UNC45A: variants seen among roughly 807,000 people sequenced by gnomAD.
UNC45A encodes unc-45 myosin chaperone A.
Under a neutral mutation model 103.2 loss-of-function variants are expected in UNC45A, and 78 were observed. The observed-to-expected ratio is 0.76, with a 90% CI of 0.63 to 0.91. The LOEUF is 0.91. Ranked by LOEUF, UNC45A falls within the 40% of genes least tolerant of loss-of-function variation. The pLI is 0.00. For synonymous variants in UNC45A, 495 were observed against 504.6 expected, an observed-to-expected ratio of 0.98 and a Z score of 0.25; for missense variants, 1,193 against 1,224.8, an observed-to-expected ratio of 0.97 and a Z score of 0.39.
intron 4 of UNC45A, among the ~76,000 whole-genome samples, chr15:90,937,941 A>T (rs554738329): frequency 1.3e-4 from 20 of 152,060 alleles, no homozygotes; most frequent in African/African-American, 4.8e-4. Flanking sequence ...GGACAAATGC[A>T]TGTCACCACG....
intron 4 of UNC45A, among the ~76,000 whole-genome samples, chr15:90,939,159 T>C (rs1238826054): frequency 2.6e-5 from 4 of 151,870 alleles, no homozygotes; most frequent in African/African-American, 9.7e-5. Context: ...TTTTGTATTT[T>C]TAGTAGAGAT....
chr15:90,939,907 C>A, intron 5 of UNC45A, 84 bp downstream of exon 5: 1 of 1,255,386 alleles, frequency 8.0e-7, no homozygotes, highest in South Asian at 1.4e-5. Flanking sequence ...CTGCCTTGCT[C>A]TGCCGCTCCT....
At chr15:90,936,115 T>C (rs945741117) in intron 3 of UNC45A, 133 bp downstream of exon 3, 1 of 1,519,296 alleles carries the variant, frequency 6.6e-7, no homozygotes, top group African/African-American at 1.4e-5. Context: ...TCCCACTGCC[T>C]CGGGCCTTTC....
At chr15:90,950,764 A>G (rs900888553) in intron 17 of UNC45A, 149 bp downstream of exon 17, 7 of 791,046 alleles carry the variant, frequency 8.8e-6, no homozygotes, top group Non-Finnish European at 1.2e-5. Context: ...AGGAGGCGAC[A>G]GGCCAAGAGG....
At chr15:90,939,866 G>T in intron 5 of UNC45A, 43 bp downstream of exon 5, 1 of 1,519,480 alleles carries the variant, frequency 6.6e-7, no homozygotes, top group Non-Finnish European at 8.7e-7. Flanking sequence ...TCCCACTAGA[G>T]CCACCCATCC....
At chr15:90,944,014 TTGAG>T (rs1245000008) in intron 8 of UNC45A, among the ~76,000 whole-genome samples, 1 of 145,212 alleles carries the variant, frequency 6.9e-6, no homozygotes, top group African/African-American at 2.6e-5. Context: ...TTTTTTTTGT[TTGAG>T]TGAGCATGTA....
intron 10 of UNC45A, chr15:90,947,298 C>T (rs74942399): frequency 0.031 from 8,076 of 263,410 alleles, 633 homozygotes; most frequent in African/African-American, 0.16. Context: ...ATGCAGTGTT[C>T]CTGGGAGCTG....
In UNC45A at chr15:90,946,696, G is replaced by A. The variant is rs144101058; in HGVS notation, c.1282G>A (p.Ala428Thr). The change falls in exon 10 of 20, where the codon GCT becomes ACT. Residue 428 changes from alanine (A) to threonine (T), a missense_variant. Ala to Thr is a moderately conservative substitution (Grantham distance 58). Transcript: ENST00000418476. ...VSCLLQGPCD[A>T]GNRALELSGV... ...CTGCCTCCTGCAGGGCCCATGTGAC[G>A]CTGGCAACCGGGCCTTGGAGCTGAG... The A allele has an allele frequency of 1.7e-5, 28 of 1,612,686 alleles. No homozygotes were observed. The highest frequency in any genetic ancestry group is 2.0e-4 in the Middle Eastern group (1 of 4,982).
intron 14 of UNC45A, 86 bp from the exon 15 acceptor site, chr15:90,949,568 G>C: frequency 6.2e-7 from 1 of 1,601,454 alleles, no homozygotes; most frequent in Non-Finnish European, 8.5e-7. Context: ...TGCCTGCGTG[G>C]CTGCCGTCTT....
rs1039066228 is a variant in UNC45A at position 90,946,937 on chromosome 15, G to A, written c.1500+23G>A. 7 of 1,546,590 alleles carry A rather than the reference G, an allele frequency of 4.5e-6. No homozygotes were observed. In the African/African-American group the frequency reaches 6.8e-5, roughly 15 times the overall value. On this transcript the variant is annotated intron_variant, in intron 10 of 19. Transcript: ENST00000418476. ...GTGGTGAGACGGTGGGCCTGGGGTG[G>A]GTGGGCAGGCAGCCAGGCAGGGGTC...
In UNC45A at chr15:90,948,728, G is replaced by T. The variant is rs2036716176; in HGVS notation, c.1812G>T (p.Glu604Asp). ...VNCTNSYDYEEPDPKMVELAK... is the reference protein window; with the variant it reads ...VNCTNSYDYEDPDPKMVELAK... ...GCACCAACAGCTATGACTACGAGGA[G>T]CCCGACCCCAAGATGGTGGAGCTGG... Residue 604 changes from glutamate to aspartate, a missense_variant, in exon 13 of 20, where the codon GAG becomes GAT. Transcript: ENST00000418476. The T allele has an allele frequency of 6.2e-7, 1 of 1,613,896 alleles. No individual in the cohort carries two copies. Among genetic ancestry groups the T allele is most frequent in the African/African-American group, 1.3e-5 (1 of 74,918 alleles).
At chr15:90,949,021 TG>T (rs1284511005) in intron 13 of UNC45A, among the ~76,000 whole-genome samples, 70 of 151,798 alleles carry the variant, frequency 4.6e-4, no homozygotes, top group Non-Finnish European at 8.7e-4. Flanking sequence ...GGACTACAGG[TG>T]CCCGCCACCA....
chr15:90,950,250 A>G lies in UNC45A; in HGVS notation c.2170A>G (p.Thr724Ala). 1 of 1,551,586 alleles carries G rather than the reference A, an allele frequency of 6.4e-7. No individual in the cohort carries two copies. The highest frequency in any genetic ancestry group is 8.7e-7 in the Non-Finnish European group (1 of 1,146,974). Residue 724 changes from threonine (T) to alanine (A), a missense_variant, in exon 16 of 20, where the codon ACC becomes GCC. Physicochemically the swap from Thr to Ala is moderately conservative, Grantham distance 58 (BLOSUM62 0). Coordinates refer to ENST00000418476, the MANE Select transcript of UNC45A (RefSeq NM_018671.5). Reference protein sequence around the residue: ...KLTITSNPEMTFPGERIYEVV... With the variant: ...KLTITSNPEMAFPGERIYEVV... ...CACCATCACCTCCAACCCGGAGATG[A>G]CCTTCCCTGGCGAGCGGGTACGTGT...
intron 3 of UNC45A, 21 bp from the exon 4 acceptor site, chr15:90,936,264 A>G (rs1480178177): frequency 6.2e-7 from 1 of 1,603,208 alleles, no homozygotes; most frequent in Admixed American, 1.7e-5. Context: ...GGGTGCTGAC[A>G]GCGCTCCTGT....
chr15:90,932,930 G>A (rs1183581823), upstream of UNC45A: 1 of 181,472 alleles, frequency 5.5e-6, no homozygotes, highest in African/African-American at 2.3e-5. Context: ...CACCCTCAGA[G>A]TCAGAGACAG....
At chr15:90,938,828 C>T (rs879626866) in intron 4 of UNC45A, among the ~76,000 whole-genome samples, 6 of 152,060 alleles carry the variant, frequency 3.9e-5, no homozygotes, top group Non-Finnish European at 8.8e-5. Context: ...CCCGCCACCA[C>T]ACCTGGCTAA....
chr15:90,946,762 C>T lies in UNC45A; in HGVS notation c.1348C>T (p.Gln450Ter). 1 of 1,614,132 alleles carries T rather than the reference C, an allele frequency of 6.2e-7. No individual in the cohort carries two copies. The change falls in exon 10 of 20, where the codon CAG becomes TAG. Residue 450 changes from glutamine to a stop codon, truncating the protein, a stop_gained. Coordinates refer to ENST00000418476, the MANE Select transcript of UNC45A (RefSeq NM_018671.5). LOFTEE classifies it high-confidence loss of function. Reference sequence around the variant, plus strand: ...TGTGATTGCTCTGTGTGCCTCTGAGCAGGAGGAGGAGCAGCTGGTGGCCGT... The same window carrying T: ...TGTGATTGCTCTGTGTGCCTCTGAGTAGGAGGAGGAGCAGCTGGTGGCCGT... ...ESVIALCASE[Q>*]EEEQLVAVEA...
upstream of UNC45A, chr15:90,931,785 G>C (rs144631975): frequency 1.8e-4 from 291 of 1,614,012 alleles, 2 homozygotes; most frequent in South Asian, 3.1e-3. Context: ...GGGCTACTGT[G>C]GGGCGCTTGC....
At chr15:90,934,737 T>C (rs1162503434), upstream of UNC45A, 10 of 398,998 alleles carry the variant, frequency 2.5e-5, no homozygotes, top group Non-Finnish European at 4.0e-5. Context: ...TGCAAGCTGG[T>C]AATGGGGAGC....
Sources: gnomAD v4.1 joint callset for allele counts (sites outside exome capture counted in the v4.1 genomes callset) on GRCh38, gnomAD v4.1.1 for gene constraint, MANE v1.5 for transcripts, NCBI Gene and HGNC (gene_info 2026-07-23, HGNC 2026-07-21) for gene names.